The following FOXP2 variants were observed in gnomAD, a reference collection of about 807,000 sequenced individuals.
FOXP2 encodes forkhead box P2.
Under a neutral mutation model 115.8 loss-of-function variants are expected in FOXP2, and 12 were observed. The observed-to-expected ratio is 0.10, with a 90% CI of 0.07 to 0.17. The LOEUF (loss-of-function observed/expected upper bound fraction) is 0.17, where lower values mean the gene tolerates loss of function less well. Among genes scored for constraint, FOXP2 ranks in the 10% least tolerant of loss-of-function variants. FOXP2 has a pLI of 1.00. For missense variants in FOXP2, 629 were observed against 843.5 expected, an observed-to-expected ratio of 0.75 and a Z score of 3.15; for synonymous variants, 328 against 297.7, an observed-to-expected ratio of 1.10 and a Z score of -1.05.
intron 2 of FOXP2, among the ~76,000 whole-genome samples, chr7:114,467,650 C>A (rs1330694292): frequency 6.6e-6 from 1 of 152,162 alleles, no homozygotes; most frequent in Non-Finnish European, 1.5e-5. Flanking sequence ...AGTCACATCG[C>A]ATACCCTATT....
chr7:114,630,229 A>T (rs536124207), intron 5 of FOXP2, among the ~76,000 whole-genome samples: 1 of 152,148 alleles, frequency 6.6e-6, no homozygotes, highest in African/African-American at 2.4e-5. Context: ...TCTAATGTTC[A>T]CTAATGAATC....
At chr7:114,090,879 G>C (rs1250268815) in intron 1 of FOXP2, among the ~76,000 whole-genome samples, 1 of 150,878 alleles carries the variant, frequency 6.6e-6, no homozygotes, top group Non-Finnish European at 1.5e-5. Flanking sequence ...TAGACTTTTA[G>C]CTTCCTCATT....
At chr7:114,119,672 C>G (rs1281847639) in intron 1 of FOXP2, among the ~76,000 whole-genome samples, 1 of 152,174 alleles carries the variant, frequency 6.6e-6, no homozygotes, top group African/African-American at 2.4e-5. Context: ...GATTGCACCA[C>G]TGCACTTTGG....
At chr7:114,192,878 A>G (rs1793798783) in intron 1 of FOXP2, among the ~76,000 whole-genome samples, 1 of 152,190 alleles carries the variant, frequency 6.6e-6, no homozygotes, top group Non-Finnish European at 1.5e-5. Flanking sequence ...TAGAAATAAA[A>G]ATACATAAAT....
chr7:114,132,153 T>C lies in FOXP2; in HGVS notation c.-246-30791T>C, dbSNP rs745791050. Among the ~76,000 whole-genome samples the C allele has an allele frequency of 3.2e-4, 49 of 152,216 alleles. 1 individual carries two copies. The highest frequency in any genetic ancestry group is 5.9e-4 in the Non-Finnish European group (40 of 68,034). ...TAAAACATATTAAAATCAATAAAGT[T>C]TACATTTTAATAAACTAATATCGTA... On this transcript the variant is annotated intron_variant, in intron 1 of 19. Transcript: ENST00000635638.
chr7:114,415,966 A>G (rs1793322529), intron 1 of FOXP2, among the ~76,000 whole-genome samples: 2 of 152,000 alleles, frequency 1.3e-5, no homozygotes, highest in African/African-American at 2.4e-5. Context: ...TTGTGAAGAA[A>G]TATATATATT....
chr7:114,570,349 G>C (rs190577143), intron 3 of FOXP2, among the ~76,000 whole-genome samples: 55 of 151,910 alleles, frequency 3.6e-4, no homozygotes, highest in African/African-American at 1.3e-3. Flanking sequence ...CACATGACAT[G>C]GTAGGACAGG....
chr7:114,377,962 G>A (rs941491722), intron 2 of FOXP2, among the ~76,000 whole-genome samples: 1 of 151,958 alleles, frequency 6.6e-6, no homozygotes, highest in East Asian at 1.9e-4. Context: ...TGGCATGCTC[G>A]CTCCCCTCTC....
At chr7:114,267,869 T>C (rs898774616) in intron 1 of FOXP2, among the ~76,000 whole-genome samples, 1 of 151,818 alleles carries the variant, frequency 6.6e-6, no homozygotes, top group Non-Finnish European at 1.5e-5. Context: ...ATTCAGACTG[T>C]CATGCAACTG....
At chr7:114,537,769 T>G (rs1381312362) in intron 3 of FOXP2, among the ~76,000 whole-genome samples, 2 of 151,628 alleles carry the variant, frequency 1.3e-5, no homozygotes, top group East Asian at 3.9e-4. Context: ...AATATATGTA[T>G]TTGAAACATG....
At chr7:114,134,657 G>T (rs992600975) in intron 1 of FOXP2, among the ~76,000 whole-genome samples, 1 of 148,898 alleles carries the variant, frequency 6.7e-6, no homozygotes, top group Non-Finnish European at 1.5e-5. Flanking sequence ...AGCTTGCAGT[G>T]AGCCGAGATC....
At chr7:114,596,558 A>G (rs143390229) in intron 3 of FOXP2, among the ~76,000 whole-genome samples, 4 of 152,236 alleles carry the variant, frequency 2.6e-5, no homozygotes, top group Admixed American at 1.3e-4. Flanking sequence ...TGCAAATATA[A>G]TTTATGTTAA....
At chr7:114,337,840 A>G (rs975352205) in intron 2 of FOXP2, among the ~76,000 whole-genome samples, 4 of 151,394 alleles carry the variant, frequency 2.6e-5, no homozygotes, top group Admixed American at 6.6e-5. Context: ...CATGTTAATC[A>G]CAAGAGTGAT....
chr7:114,237,614 T>G (rs964974553), intron 1 of FOXP2, among the ~76,000 whole-genome samples: 2 of 152,094 alleles, frequency 1.3e-5, no homozygotes, highest in African/African-American at 4.8e-5. Flanking sequence ...TTTCAGTAAA[T>G]CTCTGCTTTT....
intron 1 of FOXP2, among the ~76,000 whole-genome samples, chr7:114,119,700 G>T (rs1341349436): frequency 6.6e-6 from 1 of 152,126 alleles, no homozygotes; most frequent in African/African-American, 2.4e-5. Context: ...CACACAGCAA[G>T]ACCTTGTCTC....
chr7:114,670,210 T>C (rs1400652058), intron 16 of FOXP2, among the ~76,000 whole-genome samples: 1 of 152,036 alleles, frequency 6.6e-6, no homozygotes, highest in Admixed American at 6.6e-5. Flanking sequence ...TATCTGAAGC[T>C]TGAAAGTTAA....
At chr7:114,673,403 G>T (rs1418060149) in intron 16 of FOXP2, among the ~76,000 whole-genome samples, 1 of 152,120 alleles carries the variant, frequency 6.6e-6, no homozygotes, top group Non-Finnish European at 1.5e-5. Context: ...AGCTGTTTTG[G>T]TCACAACTAT....
At chr7:114,196,106 G>A (rs1385247619) in intron 1 of FOXP2, among the ~76,000 whole-genome samples, 1 of 152,076 alleles carries the variant, frequency 6.6e-6, no homozygotes, top group African/African-American at 2.4e-5. Flanking sequence ...TCTGCCTCCA[G>A]GGTTCAAGTG....
chr7:114,367,110 G>T (rs1791900108), intron 2 of FOXP2, among the ~76,000 whole-genome samples: 1 of 151,958 alleles, frequency 6.6e-6, no homozygotes, highest in Non-Finnish European at 1.5e-5. Flanking sequence ...TACTTTAATA[G>T]TATTAAATAG....
Sources: allele counts gnomAD v4.1 joint callset (sites outside exome capture counted in the v4.1 genomes callset), GRCh38; gene constraint gnomAD v4.1.1; transcripts MANE v1.5; gene names NCBI Gene and HGNC (gene_info 2026-07-23, HGNC 2026-07-21).